Variants in SPEF2 observed in about 807,000 individuals in gnomAD.
The protein encoded by SPEF2 is sperm flagellar and cilia associated 2.
A neutral mutation model predicts 224.6 loss-of-function variants in SPEF2; 187 were observed. That is an observed-to-expected ratio of 0.83 (90% CI 0.74 to 0.94). The LOEUF is 0.94. Among genes scored for constraint, SPEF2 ranks in the 40% least tolerant of loss-of-function variants. The pLI is 0.00. For synonymous variants in SPEF2, 715 were observed against 707.3 expected (o/e 1.01, Z -0.17); for missense variants, 2,170 against 2,135.6 (o/e 1.02, Z -0.32).
intron 12 of SPEF2, among the ~76,000 whole-genome samples, chr5:35,693,294 G>A (rs1754792406): frequency 6.6e-6 from 1 of 152,118 alleles, no homozygotes; most frequent in African/African-American, 2.4e-5. Flanking sequence ...AGGTAGAGGA[G>A]GACTCCTGTC....
chr5:35,666,363 T>C (rs533655766), intron 8 of SPEF2, among the ~76,000 whole-genome samples: 4 of 152,288 alleles, frequency 2.6e-5, no homozygotes, highest in Non-Finnish European at 4.4e-5. Context: ...GTTCAACCTT[T>C]GTACCTTGTG....
At chr5:35,712,411 C>T (rs12697346) in intron 19 of SPEF2, among the ~76,000 whole-genome samples, 114,269 of 152,030 alleles carry the variant, frequency 0.75, 43,303 homozygotes, top group Middle Eastern at 0.83. Flanking sequence ...TCATTTTTAT[C>T]ACAGATACAG....
intron 36 of SPEF2, 103 bp from the exon 37 acceptor site, chr5:35,814,361 A>G: frequency 1.9e-6 from 1 of 532,196 alleles, no homozygotes; most frequent in Non-Finnish European, 3.1e-6. Flanking sequence ...AAACTGTTTA[A>G]TGGTTGCCAT....
intron 1 of SPEF2, among the ~76,000 whole-genome samples, chr5:35,624,105 T>C (rs571226365): frequency 6.6e-6 from 1 of 152,202 alleles, no homozygotes; most frequent in Non-Finnish European, 1.5e-5. Flanking sequence ...TTCCTCCAGC[T>C]GGCTAAGGGC....
At chr5:35,669,601 G>A (rs1214057756) in intron 9 of SPEF2, among the ~76,000 whole-genome samples, 1 of 152,110 alleles carries the variant, frequency 6.6e-6, no homozygotes, top group East Asian at 1.9e-4. Flanking sequence ...GAACTTAGTG[G>A]GTTTGAAGAA....
intron 25 of SPEF2, among the ~76,000 whole-genome samples, chr5:35,763,102 G>A (rs1481617614): frequency 6.6e-6 from 1 of 152,192 alleles, no homozygotes; most frequent in African/African-American, 2.4e-5. Flanking sequence ...CCTCCGGGAT[G>A]CCAGATGATA....
intron 34 of SPEF2, among the ~76,000 whole-genome samples, chr5:35,804,715 T>TA (rs1554061685): frequency 3.4e-4 from 49 of 144,612 alleles, no homozygotes; most frequent in African/African-American, 7.4e-4. Context: ...CTCTTAAATT[T>TA]TAAAAAAAAA....
intron 8 of SPEF2, among the ~76,000 whole-genome samples, chr5:35,664,659 T>A (rs914840270): frequency 6.9e-6 from 1 of 144,048 alleles, no homozygotes; most frequent in Non-Finnish European, 1.5e-5. Flanking sequence ...CAGCTCTGGA[T>A]GACAGCAAGA....
rs752468713 is a variant in SPEF2 at position 35,659,097 on chromosome 5, A to G, written c.1057A>G (p.Met353Val). 14 of 1,613,258 alleles carry G rather than the reference A, an allele frequency of 8.7e-6. No homozygotes were observed. The South Asian group carries it at 1.2e-4, about 14-fold the overall frequency. The change falls in exon 8 of 37, where the codon ATG becomes GTG. Residue 353 changes from methionine to valine, a missense_variant. Transcript: ENST00000356031. ...QQERRIAVQL[M>V]HVRHEKEVLW... ...GGAGCGCAGGATTGCCGTGCAGCTC[A>G]TGCATGTTCGGCATGAAAAGGAAGT...
intron 21 of SPEF2, among the ~76,000 whole-genome samples, chr5:35,731,887 G>T (rs1335355777): frequency 6.6e-6 from 1 of 152,158 alleles, no homozygotes; most frequent in Admixed American, 6.5e-5. Flanking sequence ...AGAACCTACA[G>T]ATATTACATT....
At chr5:35,769,019 G>A (rs997788100) in intron 26 of SPEF2, among the ~76,000 whole-genome samples, 1 of 152,084 alleles carries the variant, frequency 6.6e-6, no homozygotes, top group Non-Finnish European at 1.5e-5. Context: ...CAATGTCAAG[G>A]CATTATGTCT....
intron 4 of SPEF2, 132 bp downstream of exon 4, chr5:35,644,657 C>T (rs1048132342): frequency 1.2e-5 from 7 of 589,186 alleles, no homozygotes; most frequent in Non-Finnish European, 1.6e-5. Flanking sequence ...CTTTGTCCTG[C>T]CCTACTCTCA....
At chr5:35,634,094 T>C (rs1745504782) in intron 2 of SPEF2, among the ~76,000 whole-genome samples, 1 of 152,138 alleles carries the variant, frequency 6.6e-6, no homozygotes. Flanking sequence ...TTACTCTATG[T>C]AGTTACTTCT....
rs1307809783 is a variant in SPEF2 at position 35,628,458 on chromosome 5, A to T, written c.59-2A>T. 1 of 1,604,646 alleles carries T rather than the reference A, an allele frequency of 6.2e-7. No homozygotes were observed. The highest frequency in any genetic ancestry group is 2.2e-5 in the East Asian group (1 of 44,798). ...TTTTTATCTCAATGTTTTGAAACTC[A>T]GGTCCCAAGTCATTTGCAAAGGCAT... On this transcript the variant is annotated splice_acceptor_variant, in intron 1 of 36. Coordinates refer to ENST00000356031, the MANE Select transcript of SPEF2 (RefSeq NM_024867.4). LOFTEE classifies it high-confidence loss of function.
At position 35,705,792 on chromosome 5, in the gene SPEF2, A is replaced by G; in HGVS notation, c.2649A>G (p.Ala883=). The change falls in exon 18 of 37, where the codon GCA becomes GCG. Residue 883 remains alanine, a synonymous_variant. Coordinates refer to ENST00000356031, the MANE Select transcript of SPEF2 (RefSeq NM_024867.4). ...AAGAAATTCTTACGACTGAAATAGC[A>G]AAAAAAAAGAATAAAGGTATTTACA... The part of the protein sequence containing the change: ...KVKEILTTEI[A]KKKNKVEKKL... The G allele has an allele frequency of 7.4e-7, 1 of 1,351,882 alleles. No individual in the cohort carries two copies. The highest frequency in any genetic ancestry group is 1.0e-6 in the Non-Finnish European group (1 of 995,620). 83.7% of individuals were successfully genotyped at this position (1,351,882 alleles called of 1,614,324 possible). A position where few individuals can be genotyped will look rare whatever the true frequency, so the allele number is the denominator to read the frequency against.
At chr5:35,628,357 C>T (rs1353109480) in intron 1 of SPEF2, 103 bp from the exon 2 acceptor site, 5 of 602,406 alleles carry the variant, frequency 8.3e-6, no homozygotes, top group Non-Finnish European at 1.1e-5. Flanking sequence ...TTTTGAGTTC[C>T]AGTTAAATTG....
chr5:35,742,535 A>G (rs1747818409), intron 23 of SPEF2, among the ~76,000 whole-genome samples: 1 of 152,006 alleles, frequency 6.6e-6, no homozygotes, highest in African/African-American at 2.4e-5. Flanking sequence ...CAAATATTAG[A>G]TTCTTTTTTG....
intron 3 of SPEF2, chr5:35,643,622 G>A: frequency 2.2e-6 from 1 of 450,564 alleles, no homozygotes; most frequent in Non-Finnish European, 4.5e-6. Context: ...GCAATCAATG[G>A]TTCATGTGGA....
At chr5:35,755,798 C>T (rs1448602292) in intron 24 of SPEF2, among the ~76,000 whole-genome samples, 1 of 152,088 alleles carries the variant, frequency 6.6e-6, no homozygotes, top group Admixed American at 6.5e-5. Context: ...TTAGTAGAGA[C>T]ACGGTTTCAC....
Sources: allele counts gnomAD v4.1 joint callset (sites outside exome capture counted in the v4.1 genomes callset), GRCh38; gene constraint gnomAD v4.1.1; transcripts MANE v1.5; gene names NCBI Gene and HGNC (gene_info 2026-07-23, HGNC 2026-07-21).